Variants in FAM156A observed in about 807,000 individuals in gnomAD.
FAM156A encodes the protein family with sequence similarity 156 member A, also known as protein FAM156A/FAM156B.
intron 1 of FAM156A, among the ~76,000 whole-genome samples, chrX:52,976,996 C>T (rs902134834): frequency 9.3e-6 from 1 of 107,984 alleles, no homozygotes; most frequent in Non-Finnish European, 1.9e-5. Context: ...AGAGTTTTCA[C>T]GATGCCTGTG....
chrX:52,984,882 CAAAAACAAAAAA>C lies in FAM156A; in HGVS notation c.-434+10412_-434+10423del, dbSNP rs1930161670. 1.3e-4 allele frequency among the ~76,000 whole-genome samples: 13 copies of C among 101,227 alleles called. No individual in the cohort carries two copies. The South Asian group carries it at 5.6e-3, about 44-fold the overall frequency. The allele number at this position is 101,227 out of a possible 115,157, so 87.9% of individuals were successfully genotyped here. A position where few individuals can be genotyped will look rare whatever the true frequency, so the allele number is the denominator to read the frequency against. ...AGACTCTGTCTCAAAAAACAAAAAA[CAAAAACAAAAAA>C]AAAAACACAAAAGCAAAATCACACA... On this transcript the variant is annotated intron_variant, in intron 1 of 4. Coordinates refer to the FAM156A transcript ENST00000610625.
intron 1 of FAM156A, among the ~76,000 whole-genome samples, chrX:52,976,463 G>C (rs1211712161): frequency 9.0e-6 from 1 of 111,332 alleles, no homozygotes; most frequent in Non-Finnish European, 1.9e-5. Context: ...AATTATTAGA[G>C]AAACAGTGGC....
intron 1 of FAM156A, among the ~76,000 whole-genome samples, chrX:52,978,246 T>G (rs1205001979): frequency 1.8e-5 from 2 of 111,766 alleles, no homozygotes; most frequent in African/African-American, 3.3e-5. Flanking sequence ...GCTGAAGAGA[T>G]AATCTAAACA....
At chrX:52,973,428 C>T (rs782328614) in intron 1 of FAM156A, among the ~76,000 whole-genome samples, 62 of 108,857 alleles carry the variant, frequency 5.7e-4, no homozygotes, top group Middle Eastern at 4.7e-3. Context: ...GACTTCTCAT[C>T]AGAATCTGTG....
intron 1 of FAM156A, among the ~76,000 whole-genome samples, chrX:52,980,635 C>T (rs1556793195): frequency 9.0e-6 from 1 of 111,563 alleles, no homozygotes; most frequent in Non-Finnish European, 1.9e-5. Flanking sequence ...AGTGATGAGC[C>T]CCATGGCTGG....
chrX:52,986,472 A>G (rs1352781938), intron 1 of FAM156A, among the ~76,000 whole-genome samples: 3 of 110,939 alleles, frequency 2.7e-5, no homozygotes, highest in Non-Finnish European at 5.7e-5. Flanking sequence ...CCAATAATAT[A>G]TAAAAAGGAT....
At chrX:52,980,782 C>CTGTGTGTGTGTGTGTGTGTG (rs1156303085) in intron 1 of FAM156A, among the ~76,000 whole-genome samples, 1 of 38,461 alleles carries the variant, frequency 2.6e-5, no homozygotes, top group Non-Finnish European at 4.7e-5. Flanking sequence ...TAGGGTTCCT[C>CTGTGTGTGTGTGTGTGTGTG]TGTGTGTGTG....
intron 1 of FAM156A, among the ~76,000 whole-genome samples, chrX:52,976,582 T>C (rs1248356119): frequency 8.9e-6 from 1 of 112,308 alleles, no homozygotes; most frequent in African/African-American, 3.2e-5. Flanking sequence ...GTGCATTCCC[T>C]TACAGGCTTT....
intron 1 of FAM156A, among the ~76,000 whole-genome samples, chrX:52,973,991 T>C (rs1929249352): frequency 9.0e-6 from 1 of 110,726 alleles, no homozygotes; most frequent in African/African-American, 3.3e-5. Context: ...TAAAGTTTCT[T>C]ATTTAGAAAA....
chrX:52,979,712 G>T (rs1393687034), intron 1 of FAM156A, among the ~76,000 whole-genome samples: 1 of 111,501 alleles, frequency 9.0e-6, no homozygotes, highest in Non-Finnish European at 1.9e-5. Flanking sequence ...GGCAGTGGTT[G>T]ACCTTTGAAA....
intron 1 of FAM156A, among the ~76,000 whole-genome samples, chrX:52,981,061 A>T (rs1337191815): frequency 9.3e-6 from 1 of 107,979 alleles, no homozygotes; most frequent in Admixed American, 1.0e-4. Context: ...CACATCATGG[A>T]GTATAATTTG....
intron 1 of FAM156A, among the ~76,000 whole-genome samples, chrX:52,986,951 T>C (rs1439801493): frequency 1.8e-5 from 2 of 112,019 alleles, no homozygotes; most frequent in East Asian, 5.6e-4. Flanking sequence ...ACATAGAAAA[T>C]CTTGTCAGAT....
chrX:52,980,972 G>A (rs1369197653), intron 1 of FAM156A, among the ~76,000 whole-genome samples: 1 of 107,756 alleles, frequency 9.3e-6, no homozygotes, highest in Non-Finnish European at 1.9e-5. Context: ...CAGTCTCGAG[G>A]CAGAATTTTT....
At chrX:52,986,256 T>C (rs1930279606) in intron 1 of FAM156A, among the ~76,000 whole-genome samples, 1 of 103,409 alleles carries the variant, frequency 9.7e-6, no homozygotes, top group African/African-American at 3.6e-5. Flanking sequence ...AATAAAAAAA[T>C]AAAATCACTG....
At chrX:52,983,146 G>A (rs1382355224) in intron 1 of FAM156A, among the ~76,000 whole-genome samples, 2 of 112,340 alleles carry the variant, frequency 1.8e-5, no homozygotes, top group Non-Finnish European at 3.8e-5. Context: ...TCAGGTACTC[G>A]TGAGGCTGAG....
chrX:52,975,276 G>C (rs1413673275), intron 1 of FAM156A, among the ~76,000 whole-genome samples: 5 of 111,771 alleles, frequency 4.5e-5, no homozygotes, highest in African/African-American at 1.6e-4. Flanking sequence ...TGGGTGCTAA[G>C]AGCCAGGGGC....
rs782347899 is a variant in FAM156A, at chrX:52,975,065, C to CAT, written c.-433-10831_-433-10830insAT. On this transcript the variant is annotated intron_variant, in intron 1 of 4. Transcript: ENST00000610625. ...TGTTAAACACATACACACACACACA[C>CAT]ACACACACACACACACACACACACA... is the stretch of plus-strand genomic sequence containing the variant. Among the ~76,000 whole-genome samples, 5 of 98,699 alleles carry CAT rather than the reference C, an allele frequency of 5.1e-5. No homozygotes were observed. In the Admixed American group the frequency reaches 5.4e-4, roughly 11 times the overall value. 85.7% of individuals were successfully genotyped at this position (98,699 alleles called of 115,157 possible). A position where few individuals can be genotyped will look rare whatever the true frequency, so the allele number is the denominator to read the frequency against.
chrX:52,986,576 GA>G (rs1409200169), intron 1 of FAM156A, among the ~76,000 whole-genome samples: 1 of 108,734 alleles, frequency 9.2e-6, no homozygotes, highest in Non-Finnish European at 1.9e-5. Flanking sequence ...TTAATATACC[GA>G]AAAAAAACTG....
chrX:52,973,381 A>T (rs1206190088), intron 1 of FAM156A, among the ~76,000 whole-genome samples: 1 of 110,465 alleles, frequency 9.1e-6, no homozygotes, highest in African/African-American at 3.3e-5. Flanking sequence ...AGGAAGACAC[A>T]CTACATACAG....
Sources: gnomAD v4.1 joint callset for allele counts (sites outside exome capture counted in the v4.1 genomes callset) on GRCh38, gnomAD v4.1.1 for gene constraint, MANE v1.5 for transcripts, NCBI Gene and HGNC (gene_info 2026-07-23, HGNC 2026-07-21) for gene names.